The following CTNNA3 variants were observed in gnomAD, a reference collection of about 807,000 sequenced individuals.
The protein encoded by CTNNA3 is catenin alpha 3.
In CTNNA3, 76 loss-of-function variants were observed where a neutral mutation model predicts 95.7. The ratio of observed to expected loss-of-function variants is 0.79; its 90% CI spans 0.66 to 0.96. The LOEUF (loss-of-function observed/expected upper bound fraction) is 0.96, where lower values mean the gene tolerates loss of function less well. Ranked by LOEUF, CTNNA3 falls within the 40% of genes least tolerant of loss-of-function variation. CTNNA3 has a pLI of 0.00. For synonymous variants in CTNNA3, 431 were observed against 374.4 expected (o/e 1.15, Z -1.74); for missense variants, 1,191 against 1,089.8 (o/e 1.09, Z -1.31).
At chr10:66,117,652 T>G (rs2082396671) in intron 13 of CTNNA3, among the ~76,000 whole-genome samples, 1 of 152,144 alleles carries the variant, frequency 6.6e-6, no homozygotes, top group Non-Finnish European at 1.5e-5. Flanking sequence ...GATGTGAATG[T>G]GAAAGGACCA....
At chr10:66,930,871 T>C (rs1320092310) in intron 7 of CTNNA3, among the ~76,000 whole-genome samples, 1 of 152,154 alleles carries the variant, frequency 6.6e-6, no homozygotes, top group African/African-American at 2.4e-5. Context: ...GACATGAAAT[T>C]ATGGGAAAAA....
intron 7 of CTNNA3, among the ~76,000 whole-genome samples, chr10:67,052,996 G>A (rs1855206099): frequency 6.6e-6 from 1 of 152,104 alleles, no homozygotes; most frequent in Non-Finnish European, 1.5e-5. Flanking sequence ...ATGTGTTTCA[G>A]TTGTAAAGAA....
intron 7 of CTNNA3, among the ~76,000 whole-genome samples, chr10:66,880,704 A>G (rs1474694628): frequency 6.6e-6 from 1 of 152,092 alleles, no homozygotes; most frequent in Non-Finnish European, 1.5e-5. Context: ...TTTGTGTTTC[A>G]TTAGATTAAC....
intron 17 of CTNNA3, among the ~76,000 whole-genome samples, chr10:65,948,277 T>C (rs1179234530): frequency 1.1e-5 from 1 of 93,098 alleles, no homozygotes; most frequent in African/African-American, 4.9e-5. Context: ...CGAGACTCCA[T>C]CTCAAAAAAA....
At chr10:66,054,189 G>A (rs2080024592) in intron 15 of CTNNA3, among the ~76,000 whole-genome samples, 1 of 152,092 alleles carries the variant, frequency 6.6e-6, no homozygotes, top group African/African-American at 2.4e-5. Context: ...CAATAAAAGT[G>A]GGAGTGCAAA....
intron 15 of CTNNA3, among the ~76,000 whole-genome samples, chr10:66,044,963 T>C (rs2079797171): frequency 6.8e-6 from 1 of 146,774 alleles, no homozygotes; most frequent in African/African-American, 2.4e-5. Context: ...AGTTAGCCTC[T>C]AATGACAATC....
At chr10:66,368,339 A>G (rs1035046277) in intron 12 of CTNNA3, among the ~76,000 whole-genome samples, 9 of 152,012 alleles carry the variant, frequency 5.9e-5, no homozygotes, top group Admixed American at 4.6e-4. Context: ...TCCTGTGCAC[A>G]GTTTAGATAG....
intron 7 of CTNNA3, among the ~76,000 whole-genome samples, chr10:67,158,898 T>G (rs2132083231): frequency 6.6e-6 from 1 of 150,742 alleles, no homozygotes; most frequent in South Asian, 2.1e-4. Context: ...AGTGAGAGCC[T>G]CAAAGGGGGG....
Position 66,361,010 on chromosome 10 carries a change from A to G in CTNNA3, c.1732+18142T>C, listed in dbSNP as rs188568479. Among the ~76,000 whole-genome samples the G allele has an allele frequency of 1.5e-4, 22 of 150,662 alleles. No individual in the cohort carries two copies. The East Asian group carries it at 4.1e-3, about 28-fold the overall frequency. On this transcript the variant is annotated intron_variant, in intron 12 of 17. Transcript: ENST00000433211. ...CTCACTCCATCACCCCAGCTGGAGT[A>G]CAGTAGTGCAATCATAGTTCATTGC...
chr10:66,379,343 A>G lies in CTNNA3; in HGVS notation c.1541T>C (p.Ile514Thr). Reference protein sequence around the residue: ...DDFLAVSESHILEDVNKCIIA... With the variant: ...DDFLAVSESHTLEDVNKCIIA... ...GATACACTTGTTGACATCTTCCAAG[A>G]TATGGCTTTCTGTAAGTAAATGAAT... The change falls in exon 12 of 18, where the codon ATC (isoleucine) becomes ACC (threonine). Residue 514 changes from isoleucine to threonine, a missense_variant. Coordinates refer to ENST00000433211, the MANE Select transcript of CTNNA3 (RefSeq NM_013266.4). 6.2e-7 allele frequency: 1 copy of G among 1,613,826 alleles called. No homozygotes were observed. The highest frequency in any genetic ancestry group is 8.5e-7 in the Non-Finnish European group (1 of 1,179,722).
intron 10 of CTNNA3, among the ~76,000 whole-genome samples, chr10:66,560,093 T>G (rs1402898638): frequency 1.3e-5 from 2 of 152,092 alleles, no homozygotes; most frequent in African/African-American, 4.8e-5. Context: ...ATAATATGCT[T>G]TTCATCTTTG....
chr10:67,557,446 T>C (rs1219811038), intron 3 of CTNNA3, among the ~76,000 whole-genome samples: 1 of 152,172 alleles, frequency 6.6e-6, no homozygotes, highest in Non-Finnish European at 1.5e-5. Context: ...AATCTTCTGA[T>C]TATTATTTAT....
intron 3 of CTNNA3, among the ~76,000 whole-genome samples, chr10:67,566,043 G>GTGTGTATATATATATATATATATATATA (rs1274109672): frequency 3.7e-5 from 1 of 26,964 alleles, no homozygotes; most frequent in Non-Finnish European, 6.3e-5. Context: ...ATGTGTGTGT[G>GTGTGTATATATATATATATATATATATA]TATATATATA....
intron 7 of CTNNA3, among the ~76,000 whole-genome samples, chr10:67,133,378 TACACACAC>T (rs71006130): frequency 7.5e-6 from 1 of 133,890 alleles, no homozygotes; most frequent in Admixed American, 7.7e-5. Context: ...TATATATATA[TACACACAC>T]ACACACACAC....
At chr10:66,052,837 T>C (rs1396352568) in intron 15 of CTNNA3, among the ~76,000 whole-genome samples, 1 of 152,064 alleles carries the variant, frequency 6.6e-6, no homozygotes, top group Non-Finnish European at 1.5e-5. Context: ...AAGAATTAAG[T>C]ATCTAAATAA....
chr10:67,539,425 T>C, intron 4 of CTNNA3, 78 bp downstream of exon 4: 1 of 1,505,218 alleles, frequency 6.6e-7, no homozygotes, highest in Admixed American at 1.7e-5. Flanking sequence ...CAAGATGCAC[T>C]AGGATCGACG....
chr10:67,248,984 A>G (rs1228266143), intron 5 of CTNNA3, among the ~76,000 whole-genome samples: 3 of 152,214 alleles, frequency 2.0e-5, no homozygotes, highest in Non-Finnish European at 2.9e-5. Context: ...CTAAAACTAT[A>G]AAACACTTAG....
intron 7 of CTNNA3, among the ~76,000 whole-genome samples, chr10:66,808,183 G>A (rs1296404221): frequency 6.6e-6 from 1 of 152,102 alleles, no homozygotes; most frequent in Non-Finnish European, 1.5e-5. Flanking sequence ...TAAGCAGTGT[G>A]CTGTGACTGC....
intron 10 of CTNNA3, among the ~76,000 whole-genome samples, chr10:66,521,779 ACT>A (rs1841075652): frequency 6.6e-6 from 1 of 152,034 alleles, no homozygotes; most frequent in Non-Finnish European, 1.5e-5. Context: ...ATCACTTCCA[ACT>A]CTCAGTAGCC....
Sources: allele counts gnomAD v4.1 joint callset (sites outside exome capture counted in the v4.1 genomes callset), GRCh38; gene constraint gnomAD v4.1.1; transcripts MANE v1.5; gene names NCBI Gene and HGNC (gene_info 2026-07-23, HGNC 2026-07-21).